Variants in FAF1 observed in about 807,000 individuals in gnomAD.
FAF1 encodes Fas associated factor 1, also known as FAS-associated factor 1.
A neutral mutation model predicts 92.5 loss-of-function variants in FAF1; 25 were observed. The observed-to-expected ratio is 0.27, with a 90% CI of 0.20 to 0.38. FAF1 has a LOEUF of 0.38. Ranked by LOEUF, FAF1 falls within the 10% of genes least tolerant of loss-of-function variation. FAF1 has a pLI of 1.00. For missense variants in FAF1, 636 were observed against 793.3 expected, an observed-to-expected ratio of 0.80 and a Z score of 2.38; for synonymous variants, 234 against 273.2, an observed-to-expected ratio of 0.86 and a Z score of 1.42.
intron 2 of FAF1, among the ~76,000 whole-genome samples, chr1:50,850,127 G>GA (rs112287615): frequency 0.012 from 1,410 of 117,546 alleles, 7 homozygotes; most frequent in African/African-American, 0.017. Flanking sequence ...TAGGAGCTAC[G>GA]AAAAAAAAAA....
At chr1:50,624,854 C>A (rs1653417517) in intron 8 of FAF1, among the ~76,000 whole-genome samples, 1 of 150,498 alleles carries the variant, frequency 6.6e-6, no homozygotes, top group South Asian at 2.1e-4. Context: ...AAAGTGAAAT[C>A]AGGTTTAACT....
intron 7 of FAF1, among the ~76,000 whole-genome samples, chr1:50,673,550 C>T (rs564904478): frequency 2.0e-5 from 3 of 151,796 alleles, no homozygotes; most frequent in Non-Finnish European, 2.9e-5. Flanking sequence ...AGAGTGAGGG[C>T]GGAAGGAAAC....
At chr1:50,905,844 T>C (rs928681259) in intron 1 of FAF1, among the ~76,000 whole-genome samples, 43 of 152,236 alleles carry the variant, frequency 2.8e-4, no homozygotes, top group African/African-American at 9.6e-4. Flanking sequence ...TTCACTCTGA[T>C]GGCAGTTTCT....
intron 15 of FAF1, among the ~76,000 whole-genome samples, chr1:50,520,179 G>GT (rs1647427092): frequency 6.6e-6 from 1 of 152,118 alleles, no homozygotes; most frequent in African/African-American, 2.4e-5. Flanking sequence ...TGCCATTGCT[G>GT]TTTTTCATAC....
In FAF1 at chr1:50,440,761, T is replaced by A. The variant is rs1236083569; in HGVS notation, c.*679A>T. On this transcript the variant is annotated 3_prime_UTR_variant, in exon 19 of 19. Transcript: ENST00000396153. Reference sequence around the variant, plus strand: ...TGATCTCAACATTCACATTGTGTGCTTGAACAGTTTCCCTATGCTGCAATG... The same window carrying A: ...TGATCTCAACATTCACATTGTGTGCATGAACAGTTTCCCTATGCTGCAATG... 1.3e-5 allele frequency: 2 copies of A among 152,244 alleles called. No homozygotes were observed. Among genetic ancestry groups the A allele is most frequent in the Non-Finnish European group, 1.5e-5 (1 of 68,046 alleles). The allele number at this position is 152,244 out of a possible 1,614,324, so 9.4% of individuals were successfully genotyped here.
At chr1:50,883,295 T>C (rs1318349615) in intron 1 of FAF1, among the ~76,000 whole-genome samples, 1 of 152,194 alleles carries the variant, frequency 6.6e-6, no homozygotes. Flanking sequence ...CCATGTTGAT[T>C]CTTTTAAAAA....
intron 8 of FAF1, among the ~76,000 whole-genome samples, chr1:50,606,652 A>G (rs976554219): frequency 6.6e-6 from 1 of 151,826 alleles, no homozygotes; most frequent in Non-Finnish European, 1.5e-5. Context: ...GGGATGCGCC[A>G]CCACACCTGG....
At chr1:50,791,483 G>GGAGATTAGTA (rs1316108896) in intron 3 of FAF1, among the ~76,000 whole-genome samples, 1 of 152,160 alleles carries the variant, frequency 6.6e-6, no homozygotes, top group Non-Finnish European at 1.5e-5. Context: ...AAAGAGGGGA[G>GGAGATTAGTA]GAGATTAGTA....
chr1:50,791,390 T>G (rs1247012874), intron 3 of FAF1, among the ~76,000 whole-genome samples: 1 of 152,232 alleles, frequency 6.6e-6, no homozygotes, highest in Non-Finnish European at 1.5e-5. Flanking sequence ...GGGGCCAGTA[T>G]TCTGCAAAAC....
intron 12 of FAF1, 150 bp downstream of exon 12, chr1:50,582,468 T>C (rs1651035173): frequency 5.0e-6 from 3 of 602,336 alleles, no homozygotes; most frequent in Non-Finnish European, 6.0e-6. Flanking sequence ...GCATGGCCCA[T>C]GCACAATGAT....
rs754632629 is a variant in FAF1 at position 50,810,251 on chromosome 1, G to C, written c.115-8574C>G. Among the ~76,000 whole-genome samples, 41 of 151,994 alleles carry C rather than the reference G, an allele frequency of 2.7e-4. 1 individual carries two copies. The highest frequency in any genetic ancestry group is 4.3e-4 in the Non-Finnish European group (29 of 68,004). ...GCCTGGGCAACAAGAGCGAGACTCT[G>C]TCTCAAAACTAAAAAAATTAAAAAA... On this transcript the variant is annotated intron_variant, in intron 2 of 18. Coordinates refer to ENST00000396153, the MANE Select transcript of FAF1 (RefSeq NM_007051.3).
chr1:50,760,926 T>G (rs1055697635), intron 4 of FAF1, among the ~76,000 whole-genome samples: 25 of 151,778 alleles, frequency 1.6e-4, no homozygotes, highest in African/African-American at 6.1e-4. Flanking sequence ...ATCAACAAAA[T>G]TGATAGACCG....
intron 13 of FAF1, among the ~76,000 whole-genome samples, chr1:50,566,155 C>A (rs1650166304): frequency 6.6e-6 from 1 of 152,054 alleles, no homozygotes; most frequent in South Asian, 2.1e-4. Flanking sequence ...TTTTGCCTCA[C>A]ATTTAAGGAA....
intron 12 of FAF1, among the ~76,000 whole-genome samples, chr1:50,581,816 G>A (rs1349278117): frequency 6.6e-6 from 1 of 152,128 alleles, no homozygotes; most frequent in Non-Finnish European, 1.5e-5. Context: ...AATACAAATG[G>A]TACACTATTG....
chr1:50,536,081 G>A (rs1648464755), intron 14 of FAF1, among the ~76,000 whole-genome samples: 1 of 152,004 alleles, frequency 6.6e-6, no homozygotes, highest in Non-Finnish European at 1.5e-5. Context: ...ATCCTCCAGT[G>A]AAAGAAATAG....
intron 7 of FAF1, among the ~76,000 whole-genome samples, chr1:50,659,145 T>C (rs1411962476): frequency 6.6e-6 from 1 of 152,070 alleles, no homozygotes; most frequent in Non-Finnish European, 1.5e-5. Flanking sequence ...TACAGCTTTG[T>C]ATAAAATGAT....
At chr1:50,949,655 G>A (rs1011319868) in intron 1 of FAF1, among the ~76,000 whole-genome samples, 10 of 152,170 alleles carry the variant, frequency 6.6e-5, no homozygotes, top group Non-Finnish European at 1.0e-4. Context: ...ATACGTGCAC[G>A]ACTATATTCC....
chr1:50,462,477 T>C (rs1318213093), intron 18 of FAF1, among the ~76,000 whole-genome samples: 1 of 152,170 alleles, frequency 6.6e-6, no homozygotes, highest in African/African-American at 2.4e-5. Context: ...CCTTACAGTG[T>C]TGATCTGTAT....
At position 50,690,616 on chromosome 1, in the gene FAF1, C is replaced by A. The variant is rs568836253; in HGVS notation, c.657+15170G>T. Among the ~76,000 whole-genome samples the A allele has an allele frequency of 2.2e-3, 326 of 151,488 alleles. 1 individual carries two copies. The highest frequency in any genetic ancestry group is 6.6e-3 in the African/African-American group (274 of 41,362). On this transcript the variant is annotated intron_variant, in intron 7 of 18. Transcript: ENST00000396153. ...ACTGTCTCAAAAACAAACAAACAAA[C>A]AAAAAAAACTGTTGCATACAAAGAA...
Sources: allele counts gnomAD v4.1 joint callset (sites outside exome capture counted in the v4.1 genomes callset), GRCh38; gene constraint gnomAD v4.1.1; transcripts MANE v1.5; gene names NCBI Gene and HGNC (gene_info 2026-07-23, HGNC 2026-07-21).